MTSS1: variants seen among roughly 807,000 people sequenced by gnomAD.
MTSS1 encodes MTSS I-BAR domain containing 1.
In MTSS1, 18 loss-of-function variants were observed where a neutral mutation model predicts 79.0. That is an observed-to-expected ratio of 0.23 (90% CI 0.16 to 0.34). The LOEUF (loss-of-function observed/expected upper bound fraction) is 0.34, where lower values mean the gene tolerates loss of function less well. Ranked by LOEUF, MTSS1 falls within the 10% of genes least tolerant of loss-of-function variation. MTSS1 has a pLI of 1.00. For synonymous variants in MTSS1, 341 were observed against 368.6 expected, an observed-to-expected ratio of 0.93 and a Z score of 0.86; for missense variants, 815 against 986.2, an observed-to-expected ratio of 0.83 and a Z score of 2.33.
chr8:124,671,365 C>T (rs1488192090), intron 3 of MTSS1, among the ~76,000 whole-genome samples: 1 of 152,124 alleles, frequency 6.6e-6, no homozygotes, highest in Non-Finnish European at 1.5e-5. Context: ...CACCATACCT[C>T]GAATGATGGG....
At chr8:124,681,239 A>G (rs1014609012) in intron 3 of MTSS1, among the ~76,000 whole-genome samples, 2 of 151,918 alleles carry the variant, frequency 1.3e-5, no homozygotes, top group African/African-American at 4.8e-5. Flanking sequence ...GATGAACTCA[A>G]GTAACAAATC....
chr8:124,582,662 G>A lies in MTSS1; in HGVS notation c.460+2425C>T, dbSNP rs191909314. The stretch of plus-strand genomic sequence containing the variant: ...ATCCAAAACCTTCATCCATCCGAAC[G>A]CGTGGTGCGTCAGAAGGAACTGCTA... On this transcript the variant is annotated intron_variant, in intron 6 of 13. Transcript: ENST00000518547. The surrounding 1 kb of genome is among the most constrained non-coding windows in gnomAD (Gnocchi z 4.8). Among the ~76,000 whole-genome samples the A allele has an allele frequency of 3.8e-3, 571 of 152,216 alleles. 1 individual carries two copies. Among genetic ancestry groups the A allele is most frequent in the Non-Finnish European group, 6.2e-3 (424 of 68,014 alleles).
rs547691559 is a variant in MTSS1 at position 124,691,578 on chromosome 8, C to T, written c.208+7948G>A. Among the ~76,000 whole-genome samples the T allele has an allele frequency of 9.2e-5, 14 of 151,940 alleles. 2 individuals carry two copies. The South Asian group carries it at 1.7e-3, about 18-fold the overall frequency. On this transcript the variant is annotated intron_variant, in intron 3 of 13. Coordinates refer to ENST00000518547, the MANE Select transcript of MTSS1 (RefSeq NM_014751.6). ...TTGCCCAGGCTGGAGTACAATGGTA[C>T]GATCTTGGTTCACTGCAACCTCCGC...
At chr8:124,661,434 T>A (rs529849153) in intron 3 of MTSS1, among the ~76,000 whole-genome samples, 82 of 152,224 alleles carry the variant, frequency 5.4e-4, no homozygotes, top group Non-Finnish European at 9.6e-4. Context: ...GTTTTTCTGA[T>A]GAAAACATGA....
In MTSS1 at chr8:124,699,555, T is replaced by C. The variant is rs752632193; in HGVS notation, c.179A>G (p.Lys60Arg). ...TGTGTTGGTGGCCATGTCAGCCACTTTCTGAAAGGCGTCCAAGAAGGCAGC... is the reference window on the plus strand; with the variant it reads ...TGTGTTGGTGGCCATGTCAGCCACTCTCTGAAAGGCGTCCAAGAAGGCAGC... Reference protein sequence around the residue: ...AAAAFLDAFQKVADMATNTRG... With the variant: ...AAAAFLDAFQRVADMATNTRG... Residue 60 changes from lysine (K) to arginine (R), a missense_variant, in exon 3 of 14, where the codon AAA becomes AGA. Physicochemically the swap from Lys to Arg is conservative, Grantham distance 26. This residue lies in a region of MTSS1 where 225 missense variants were observed against 365.4 expected (regional missense o/e 0.62). Transcript: ENST00000518547. 5.6e-6 allele frequency: 9 copies of C among 1,614,088 alleles called. No individual in the cohort carries two copies. In the Admixed American group the frequency reaches 1.3e-4, roughly 24 times the overall value.
At chr8:124,704,709 G>A (rs1382325410) in intron 1 of MTSS1, among the ~76,000 whole-genome samples, 1 of 152,204 alleles carries the variant, frequency 6.6e-6, no homozygotes, top group Non-Finnish European at 1.5e-5. Context: ...CCTAGGGACA[G>A]TATAGCAACA....
chr8:124,583,190 G>A (rs1830337489), intron 6 of MTSS1, among the ~76,000 whole-genome samples: 1 of 152,170 alleles, frequency 6.6e-6, no homozygotes, highest in Non-Finnish European at 1.5e-5. Context: ...GAAGACAGAT[G>A]CTTCAGAAAC....
rs187805554 is a variant in MTSS1, at chr8:124,574,930, G to T, written c.461-6394C>A. ...CCATTTTTACACCTCACCAATCAGG[G>T]TGTGTCTTACAATCAATGGTGTGTC... On this transcript the variant is annotated intron_variant, in intron 6 of 13. Transcript: ENST00000518547. Among the ~76,000 whole-genome samples, 7 of 151,938 alleles carry T rather than the reference G, an allele frequency of 4.6e-5. No homozygotes were observed. In the East Asian group the frequency reaches 7.7e-4, roughly 17 times the overall value.
chr8:124,648,811 G>A (rs1392174838), intron 3 of MTSS1, among the ~76,000 whole-genome samples: 1 of 151,982 alleles, frequency 6.6e-6, no homozygotes, highest in South Asian at 2.1e-4. Context: ...ACACCACAAG[G>A]CCATCAGTAC....
intron 3 of MTSS1, among the ~76,000 whole-genome samples, chr8:124,682,828 T>C (rs1386387314): frequency 6.6e-6 from 1 of 152,246 alleles, no homozygotes; most frequent in Non-Finnish European, 1.5e-5. Context: ...TGATGGAATA[T>C]GGCATTTCAA....
At chr8:124,576,506 T>C (rs373769427) in intron 6 of MTSS1, among the ~76,000 whole-genome samples, 56 of 152,188 alleles carry the variant, frequency 3.7e-4, no homozygotes, top group Non-Finnish European at 8.8e-5. Context: ...AGAGCTTGAG[T>C]GTAGATGCTA....
chr8:124,605,000 G>T (rs1834546561), intron 3 of MTSS1, among the ~76,000 whole-genome samples: 1 of 152,208 alleles, frequency 6.6e-6, no homozygotes, highest in South Asian at 2.1e-4. Flanking sequence ...TGGTAATATG[G>T]AAACACAAAA....
intron 7 of MTSS1, chr8:124,567,890 T>A: frequency 2.8e-6 from 4 of 1,433,620 alleles, no homozygotes; most frequent in Non-Finnish European, 3.7e-6. Context: ...TGCAAATGAT[T>A]TCCTTAAAAA....
chr8:124,568,503 G>A lies in MTSS1; in HGVS notation c.494C>T (p.Ala165Val). 1 of 1,614,130 alleles carries A rather than the reference G, an allele frequency of 6.2e-7. No individual in the cohort carries two copies. The highest frequency in any genetic ancestry group is 8.5e-7 in the Non-Finnish European group (1 of 1,180,022). Residue 165 changes from alanine (A) to valine (V), a missense_variant, in exon 7 of 14, where the codon GCT becomes GTT. Ala to Val is a moderately conservative substitution (Grantham distance 64, BLOSUM62 0). Coordinates refer to ENST00000518547, the MANE Select transcript of MTSS1 (RefSeq NM_014751.6). ...ATACTTATCATTGACATCTTGGAGA[G>A]CACTGTCCAACTGAGGCTGGATATC... Reference protein sequence around the residue: ...RGDIQPQLDSALQDVNDKYLL... With the variant: ...RGDIQPQLDSVLQDVNDKYLL...
chr8:124,689,770 C>A (rs868475501), intron 3 of MTSS1, among the ~76,000 whole-genome samples: 3 of 145,540 alleles, frequency 2.1e-5, no homozygotes, highest in Non-Finnish European at 4.5e-5. Context: ...AAAAAAAATT[C>A]TTCGCTTCAT....
intron 3 of MTSS1, among the ~76,000 whole-genome samples, chr8:124,608,626 C>G (rs184850864): frequency 1.3e-5 from 2 of 152,322 alleles, no homozygotes; most frequent in Admixed American, 1.3e-4. Flanking sequence ...CCTATGCAAA[C>G]AGCTGTTTCC....
chr8:124,581,151 C>G (rs1452558844), intron 6 of MTSS1, among the ~76,000 whole-genome samples: 1 of 152,076 alleles, frequency 6.6e-6, no homozygotes, highest in Non-Finnish European at 1.5e-5. Flanking sequence ...TTCCAGTTCT[C>G]TCTCTCTCAA....
At chr8:124,725,755 T>C (rs1455542583) in intron 1 of MTSS1, among the ~76,000 whole-genome samples, 1 of 152,238 alleles carries the variant, frequency 6.6e-6, no homozygotes, top group Admixed American at 6.5e-5. Context: ...AATTTTTAAT[T>C]TCCATTTAAA....
At chr8:124,687,436 C>A (rs929859145) in intron 3 of MTSS1, among the ~76,000 whole-genome samples, 1 of 152,140 alleles carries the variant, frequency 6.6e-6, no homozygotes. Flanking sequence ...AATCAGCATC[C>A]CCTTTAAGCA....
Sources: gnomAD v4.1 joint callset for allele counts (sites outside exome capture counted in the v4.1 genomes callset) on GRCh38, gnomAD v4.1.1 for gene constraint, gnomAD v4.1.1 regional missense constraint, Gnocchi (gnomAD v3.1) non-coding constraint, MANE v1.5 for transcripts, NCBI Gene and HGNC (gene_info 2026-07-23, HGNC 2026-07-21) for gene names.